DHRS9: variants seen among roughly 807,000 people sequenced by gnomAD.
The protein encoded by DHRS9 is dehydrogenase/reductase 9, also known as dehydrogenase/reductase SDR family member 9.
Under a neutral mutation model 26.6 loss-of-function variants are expected in DHRS9, and 18 were observed. The observed-to-expected ratio is 0.68, with a 90% CI of 0.47 to 1.00. The LOEUF is 1.00. Ranked by LOEUF, DHRS9 falls within the 50% of genes least tolerant of loss-of-function variation. The probability of loss-of-function intolerance (pLI) is 0.00; values close to 1 mark genes in which losing one functional copy is unlikely to be tolerated. For missense variants in DHRS9, 425 were observed against 378.7 expected (o/e 1.12, Z -1.01); for synonymous variants, 134 against 141.1 (o/e 0.95, Z 0.36).
intron 1 of DHRS9, among the ~76,000 whole-genome samples, chr2:169,073,531 A>C (rs1169456757): frequency 6.6e-6 from 1 of 151,776 alleles, no homozygotes; most frequent in Non-Finnish European, 1.5e-5. Flanking sequence ...TTGGCCACCC[A>C]CCAAAGGGTA....
Position 169,095,585 on chromosome 2 carries a change from G to C in DHRS9, c.778G>C (p.Asp260His). ...AGGCAATAAATCCTATGTGAACATG[G>C]ACCTCTCTCCGGTGGTAGAGTGCAT... ...LKGNKSYVNM[D>H]LSPVVECMDH... is the part of the protein sequence containing the mutation. Residue 260 changes from aspartate (D) to histidine (H), a missense_variant, in exon 5 of 5, where the codon GAC becomes CAC. By Grantham distance (81) the Asp-to-His change is moderately conservative. Transcript: ENST00000674881. The C allele has an allele frequency of 6.2e-7, 1 of 1,613,810 alleles. No individual in the cohort carries two copies. Among genetic ancestry groups the C allele is most frequent in the Non-Finnish European group, 8.5e-7 (1 of 1,179,872 alleles).
At position 169,072,960 on chromosome 2, in the gene DHRS9, C is replaced by T. The variant is rs183854736; in HGVS notation, c.-60+3243C>T. 3.5e-3 allele frequency among the ~76,000 whole-genome samples: 539 copies of T among 152,268 alleles called. 1 individual carries two copies. The highest frequency in any genetic ancestry group is 0.012 in the African/African-American group (507 of 41,550). On this transcript the variant is annotated intron_variant, in intron 1 of 4. Coordinates refer to ENST00000674881, the MANE Select transcript of DHRS9 (RefSeq NM_001376924.1). ...AATATTACATAAACACTTCCCAAAA[C>T]TTTGTAATGTTATCAAAATTGGAAG... is the stretch of plus-strand genomic sequence containing the variant.
intron 3 of DHRS9, among the ~76,000 whole-genome samples, chr2:169,088,231 T>C (rs1249832580): frequency 6.6e-6 from 1 of 152,214 alleles, no homozygotes; most frequent in African/African-American, 2.4e-5. Context: ...GGGTGCTGGC[T>C]GAGTTCTGCC....
rs1228230428 is a variant in DHRS9 at position 169,096,061 on chromosome 2, G to T, written c.*294G>T. Reference sequence around the variant, plus strand: ...ATTGAAAGACTTGCCCATTCAAAATGATCTTTACCGTGGCCTGCCCCATGC... The same window carrying T: ...ATTGAAAGACTTGCCCATTCAAAATTATCTTTACCGTGGCCTGCCCCATGC... On this transcript the variant is annotated 3_prime_UTR_variant, in exon 5 of 5. Transcript: ENST00000674881. The T allele has an allele frequency of 2.5e-6, 1 of 406,524 alleles. No individual in the cohort carries two copies. Among genetic ancestry groups the T allele is most frequent in the African/African-American group, 2.0e-5 (1 of 50,078 alleles). The allele number at this position is 406,524 out of a possible 1,614,324, so 25.2% of individuals were successfully genotyped here.
At chr2:169,082,689 C>T (rs1030185554) in intron 2 of DHRS9, among the ~76,000 whole-genome samples, 1 of 152,118 alleles carries the variant, frequency 6.6e-6, no homozygotes, top group Non-Finnish European at 1.5e-5. Flanking sequence ...TGACTGAATT[C>T]TTAACCAAAA....
intron 1 of DHRS9, among the ~76,000 whole-genome samples, chr2:169,077,605 A>AC (rs1237485968): frequency 2.7e-5 from 4 of 147,100 alleles, no homozygotes; most frequent in Non-Finnish European, 6.1e-5. Flanking sequence ...ATTACAGTTC[A>AC]GGAAAAAAAA....
upstream of DHRS9, chr2:169,067,110 C>T: frequency 6.5e-7 from 1 of 1,533,758 alleles, no homozygotes; most frequent in South Asian, 1.2e-5. Flanking sequence ...GAAACATGTT[C>T]CACTGAGAAT....
intron 3 of DHRS9, among the ~76,000 whole-genome samples, chr2:169,087,640 A>G (rs1684394468): frequency 6.6e-6 from 1 of 151,338 alleles, no homozygotes; most frequent in South Asian, 2.1e-4. Flanking sequence ...CCCAAGGCCC[A>G]TGGTGAGTAC....
chr2:169,095,466 T>G (rs923038488), intron 4 of DHRS9, 78 bp from the exon 5 acceptor site: 5 of 1,113,452 alleles, frequency 4.5e-6, no homozygotes, highest in Admixed American at 3.5e-5. Flanking sequence ...CTTGTATCCA[T>G]CCTCCCCTTT....
At chr2:169,070,358 A>C in intron 1 of DHRS9, 4 of 985,424 alleles carry the variant, frequency 4.1e-6, no homozygotes, top group Non-Finnish European at 4.8e-6. Context: ...TTTTCAAATG[A>C]TGATATGGCT....
intron 1 of DHRS9, among the ~76,000 whole-genome samples, chr2:169,081,321 G>C (rs1248196360): frequency 1.3e-5 from 2 of 152,064 alleles, no homozygotes; most frequent in Admixed American, 1.3e-4. Context: ...AATACTCCTT[G>C]GTTAGTTTTT....
intron 2 of DHRS9, 118 bp downstream of exon 2, chr2:169,082,012 C>A: frequency 2.0e-6 from 2 of 1,012,272 alleles, no homozygotes; most frequent in Non-Finnish European, 2.8e-6. Context: ...TCCTAAATAC[C>A]GGCTGTGTAC....
chr2:169,067,710 A>G (rs1683685341), upstream of DHRS9, among the ~76,000 whole-genome samples: 1 of 152,184 alleles, frequency 6.6e-6, no homozygotes, highest in African/African-American at 2.4e-5. Flanking sequence ...AAGGTTGTAT[A>G]TTAAAGAGGT....
chr2:169,071,629 GGC>G (rs1683807431), intron 1 of DHRS9, among the ~76,000 whole-genome samples: 1 of 152,098 alleles, frequency 6.6e-6, no homozygotes, highest in Non-Finnish European at 1.5e-5. Flanking sequence ...AGCACAGTCT[GGC>G]TGCCAAGGAT....
rs766893376 is a variant in DHRS9 at position 169,091,863 on chromosome 2, C to G, written c.646C>G (p.Pro216Ala). 1 of 1,613,858 alleles carries G rather than the reference C, an allele frequency of 6.2e-7. No individual in the cohort carries two copies. The highest frequency in any genetic ancestry group is 8.5e-7 in the Non-Finnish European group (1 of 1,179,978). Reference sequence around the variant, plus strand: ...ATTGTTCAAAACAAACTTGGCAGATCCAGTAAAGGTAATTGAAAAAAAACT... The same window carrying G: ...ATTGTTCAAAACAAACTTGGCAGATGCAGTAAAGGTAATTGAAAAAAAACT... ...PGLFKTNLAD[P>A]VKVIEKKLAI... Residue 216 changes from proline to alanine, a missense_variant, in exon 4 of 5, where the codon CCA (proline) becomes GCA (alanine). Physicochemically the swap from Pro to Ala is conservative, Grantham distance 27 (BLOSUM62 -1). Transcript: ENST00000674881.
intron 1 of DHRS9, chr2:169,074,460 C>G: frequency 2.0e-6 from 2 of 985,294 alleles, no homozygotes; most frequent in Non-Finnish European, 2.4e-6. Flanking sequence ...ACAACTCAAG[C>G]AACCAGGTCA....
At chr2:169,071,454 C>G (rs986214141) in intron 1 of DHRS9, among the ~76,000 whole-genome samples, 1 of 152,120 alleles carries the variant, frequency 6.6e-6, no homozygotes, top group Non-Finnish European at 1.5e-5. Context: ...TGCTTTTATC[C>G]TTAGAACTAA....
upstream of DHRS9, among the ~76,000 whole-genome samples, chr2:169,068,039 GC>G (rs1427023839): frequency 6.6e-6 from 1 of 152,194 alleles, no homozygotes; most frequent in Non-Finnish European, 1.5e-5. Flanking sequence ...TCATTAAGTA[GC>G]AAAATTTTAA....
chr2:169,079,167 A>AT lies in DHRS9; in HGVS notation c.-59-2346dup, dbSNP rs908441591. On this transcript the variant is annotated intron_variant, in intron 1 of 4. Coordinates refer to ENST00000674881, the MANE Select transcript of DHRS9 (RefSeq NM_001376924.1). ...CGGCTGAACTGACAATTCTTTTATC[A>AT]TTTTTTTTTTCTTTAGCTATAGATC... Among the ~76,000 whole-genome samples, 114 of 147,522 alleles carry AT rather than the reference A, an allele frequency of 7.7e-4. 1 individual carries two copies. Among genetic ancestry groups the AT allele is most frequent in the South Asian group, 1.1e-3 (5 of 4,652 alleles).
Sources: allele counts gnomAD v4.1 joint callset (sites outside exome capture counted in the v4.1 genomes callset), GRCh38; gene constraint gnomAD v4.1.1; transcripts MANE v1.5; gene names NCBI Gene and HGNC (gene_info 2026-07-23, HGNC 2026-07-21).